Variants in KIF5C observed in about 807,000 individuals in gnomAD.
KIF5C encodes kinesin family member 5C.
In KIF5C, 18 loss-of-function variants were observed where a neutral mutation model predicts 125.2. That is an observed-to-expected ratio of 0.14 (90% CI 0.10 to 0.21). KIF5C has a LOEUF of 0.21. Ranked by LOEUF, KIF5C falls within the 10% of genes least tolerant of loss-of-function variation. KIF5C has a pLI of 1.00. For missense variants in KIF5C, 780 were observed against 1,183.8 expected (o/e 0.66, Z 5.01); for synonymous variants, 405 against 434.0 (o/e 0.93, Z 0.83).
chr2:148,938,604 GC>G (rs979501385), intron 4 of KIF5C, among the ~76,000 whole-genome samples: 3 of 152,100 alleles, frequency 2.0e-5, no homozygotes, highest in African/African-American at 7.2e-5. Context: ...CTACATAGGT[GC>G]CCCCCTTGCC....
intron 3 of KIF5C, among the ~76,000 whole-genome samples, chr2:148,931,309 G>A (rs931548122): frequency 6.6e-6 from 1 of 152,200 alleles, no homozygotes; most frequent in African/African-American, 2.4e-5. Flanking sequence ...GACATCAAGA[G>A]AGAGAATGCT....
rs559621490 is a variant in KIF5C, at chr2:148,975,410, G to C, written c.1293+1899G>C. ...CTTAGTCTACTGAAAGGTAGAACAG[G>C]AGGTATTTAGGTTTGGGTGAGGCAC... On this transcript the variant is annotated intron_variant, in intron 12 of 25. Transcript: ENST00000435030. 1.2e-3 allele frequency among the ~76,000 whole-genome samples: 178 copies of C among 152,294 alleles called. 2 individuals are homozygous for C. The highest frequency in any genetic ancestry group is 1.5e-3 in the Non-Finnish European group (104 of 68,008).
At chr2:148,897,243 C>CTCTAATAT (rs1314087974) in intron 1 of KIF5C, among the ~76,000 whole-genome samples, 1 of 152,136 alleles carries the variant, frequency 6.6e-6, no homozygotes, top group Non-Finnish European at 1.5e-5. Flanking sequence ...ATGTGATGTC[C>CTCTAATAT]TCTAATATTT....
intron 1 of KIF5C, among the ~76,000 whole-genome samples, chr2:148,886,551 A>G (rs933574111): frequency 6.6e-6 from 1 of 152,158 alleles, no homozygotes; most frequent in Non-Finnish European, 1.5e-5. Context: ...TACCTGGAGT[A>G]TCACTATTCT....
intron 10 of KIF5C, among the ~76,000 whole-genome samples, chr2:148,956,098 C>T (rs1459374751): frequency 1.3e-5 from 2 of 152,146 alleles, no homozygotes; most frequent in African/African-American, 2.4e-5. Context: ...CATCAGAATG[C>T]AGTGGTTCTA....
chr2:149,001,325 C>T (rs900804740), intron 21 of KIF5C, among the ~76,000 whole-genome samples: 2 of 152,130 alleles, frequency 1.3e-5, no homozygotes, highest in Non-Finnish European at 2.9e-5. Context: ...AAGAACTGAG[C>T]ACAGAGATGT....
At chr2:148,929,259 A>T in intron 2 of KIF5C, 22 bp from the exon 3 acceptor site, 1 of 1,479,800 alleles carries the variant, frequency 6.8e-7, no homozygotes, top group Non-Finnish European at 9.1e-7. Context: ...AGTTAATTTT[A>T]ATTTCTTTTT....
intron 11 of KIF5C, among the ~76,000 whole-genome samples, chr2:148,972,230 CT>C (rs1680936453): frequency 6.6e-6 from 1 of 152,174 alleles, no homozygotes; most frequent in Non-Finnish European, 1.5e-5. Flanking sequence ...GCCCTGCCTT[CT>C]ATCATGTATT....
intron 1 of KIF5C, among the ~76,000 whole-genome samples, chr2:148,918,169 T>G (rs768185652): frequency 4.8e-4 from 73 of 152,358 alleles, no homozygotes; most frequent in Middle Eastern, 6.8e-3. Flanking sequence ...ATTTTTTGTA[T>G]GTGATCCTGG....
In KIF5C at chr2:148,997,340, GGT is replaced by G. The variant is rs948764901; in HGVS notation, c.2100+8_2100+9del. ...GGTTGCAGGATGCTGAAGAAATGAA[GGT>G]GTGTGTGGCTGCCCCTTCCATCAAG... On this transcript the variant is annotated splice_donor_variant, in intron 18 of 25. Coordinates refer to ENST00000435030, the MANE Select transcript of KIF5C (RefSeq NM_004522.3). LOFTEE classifies it high-confidence loss of function. The G allele has an allele frequency of 1.2e-5, 20 of 1,613,962 alleles. No individual in the cohort carries two copies. The highest frequency in any genetic ancestry group is 1.7e-5 in the Admixed American group (1 of 60,020).
At position 148,913,865 on chromosome 2, in the gene KIF5C, G is replaced by T. The variant is rs182038017; in HGVS notation, c.127-8272G>T. Among the ~76,000 whole-genome samples, 12 of 152,128 alleles carry T rather than the reference G, an allele frequency of 7.9e-5. No homozygotes were observed. In the East Asian group the frequency reaches 2.3e-3, roughly 29 times the overall value. Reference sequence around the variant, plus strand: ...TTTCACCTCCCATCCAGTGAAGAAGGTTTGTTTTTTTTTTCTTCAGACTTG... The same window carrying T: ...TTTCACCTCCCATCCAGTGAAGAAGTTTTGTTTTTTTTTTCTTCAGACTTG... On this transcript the variant is annotated intron_variant, in intron 1 of 25. Coordinates refer to ENST00000435030, the MANE Select transcript of KIF5C (RefSeq NM_004522.3).
chr2:149,006,182 T>G (rs1162444744), intron 22 of KIF5C, among the ~76,000 whole-genome samples: 19 of 152,344 alleles, frequency 1.2e-4, no homozygotes, highest in South Asian at 8.3e-4. Flanking sequence ...CATATGTGTG[T>G]AAATGTGTGT....
chr2:148,994,937 G>A (rs1483546300), intron 17 of KIF5C, among the ~76,000 whole-genome samples: 3 of 151,974 alleles, frequency 2.0e-5, no homozygotes, highest in African/African-American at 4.8e-5. Flanking sequence ...TCCTGACCTC[G>A]TGATCTGTCT....
intron 11 of KIF5C, among the ~76,000 whole-genome samples, chr2:148,968,940 G>T (rs1680821996): frequency 6.6e-6 from 1 of 152,170 alleles, no homozygotes; most frequent in Non-Finnish European, 1.5e-5. Flanking sequence ...TCGTTTGCCA[G>T]ATCTGCTGTG....
intron 1 of KIF5C, among the ~76,000 whole-genome samples, chr2:148,918,663 A>T (rs896344345): frequency 6.6e-6 from 1 of 152,242 alleles, no homozygotes; most frequent in African/African-American, 2.4e-5. Flanking sequence ...CATCATACAG[A>T]GAAAAGTCCG....
intron 6 of KIF5C, 116 bp downstream of exon 6, chr2:148,942,106 G>A (rs1682423251): frequency 3.5e-6 from 4 of 1,154,042 alleles, no homozygotes. Context: ...CATTTATTCA[G>A]GCTCCTTATA....
At chr2:148,961,102 G>A (rs929794532) in intron 10 of KIF5C, among the ~76,000 whole-genome samples, 4 of 152,174 alleles carry the variant, frequency 2.6e-5, no homozygotes, top group Non-Finnish European at 1.5e-5. Context: ...CCCAGAGATC[G>A]CATCATCTCT....
chr2:148,927,976 A>C (rs576142900), intron 2 of KIF5C, among the ~76,000 whole-genome samples: 36 of 152,270 alleles, frequency 2.4e-4, no homozygotes, highest in Admixed American at 1.4e-3. Flanking sequence ...ATTAAAAAAA[A>C]ATCCTGCCAC....
At chr2:148,901,610 A>G (rs761653791) in intron 1 of KIF5C, among the ~76,000 whole-genome samples, 2 of 152,242 alleles carry the variant, frequency 1.3e-5, no homozygotes, top group Non-Finnish European at 2.9e-5. Context: ...GATGCTTTCA[A>G]TTATTCCCAA....
Sources: gnomAD v4.1 joint callset for allele counts (sites outside exome capture counted in the v4.1 genomes callset) on GRCh38, gnomAD v4.1.1 for gene constraint, MANE v1.5 for transcripts, NCBI Gene and HGNC (gene_info 2026-07-23, HGNC 2026-07-21) for gene names.